The following TUFT1 variants were observed in gnomAD, a reference collection of about 807,000 sequenced individuals.
The protein encoded by TUFT1 is tuftelin.
Under a neutral mutation model 57.8 loss-of-function variants are expected in TUFT1, and 43 were observed. The observed-to-expected ratio is 0.74, with a 90% CI of 0.58 to 0.96. TUFT1 has a LOEUF of 0.96. Ranked by LOEUF, TUFT1 falls within the 40% of genes least tolerant of loss-of-function variation. The pLI is 0.00. For missense variants in TUFT1, 459 were observed against 489.0 expected, an observed-to-expected ratio of 0.94 and a Z score of 0.58; for synonymous variants, 166 against 176.7, an observed-to-expected ratio of 0.94 and a Z score of 0.48.
chr1:151,551,770 A>G (rs1393689653), intron 1 of TUFT1, among the ~76,000 whole-genome samples: 1 of 152,196 alleles, frequency 6.6e-6, no homozygotes, highest in Non-Finnish European at 1.5e-5. Flanking sequence ...AAAACATTTT[A>G]TGTGGTATAA....
At chr1:151,545,436 C>T (rs1220576540) in intron 1 of TUFT1, among the ~76,000 whole-genome samples, 5 of 152,186 alleles carry the variant, frequency 3.3e-5, no homozygotes, top group African/African-American at 1.2e-4. Flanking sequence ...TTAGTTTTCT[C>T]ACTTGTAAAA....
At chr1:151,543,432 G>A (rs1418471213) in intron 1 of TUFT1, among the ~76,000 whole-genome samples, 1 of 151,694 alleles carries the variant, frequency 6.6e-6, no homozygotes. Flanking sequence ...AGTTTTGCAA[G>A]CCACTGTGGT....
At chr1:151,547,872 G>A (rs938332903) in intron 1 of TUFT1, among the ~76,000 whole-genome samples, 22 of 152,222 alleles carry the variant, frequency 1.4e-4, no homozygotes, top group Admixed American at 1.4e-3. Context: ...AGGGCTCCAA[G>A]TAATGAGAAA....
At chr1:151,560,055 C>G (rs12746531) in intron 1 of TUFT1, among the ~76,000 whole-genome samples, 47,780 of 150,406 alleles carry the variant, frequency 0.32, 8,449 homozygotes, top group East Asian at 0.62. Flanking sequence ...CTCGGCCTCC[C>G]AAAGTGCTGG....
At chr1:151,561,683 T>G in intron 1 of TUFT1, 2 of 1,276,742 alleles carry the variant, frequency 1.6e-6, no homozygotes, top group Non-Finnish European at 2.0e-6. Flanking sequence ...GCTAGTCTTG[T>G]AAAGTGCATC....
At position 151,581,905 on chromosome 1, in the gene TUFT1, G is replaced by A; in HGVS notation, c.*198G>A. On this transcript the variant is annotated 3_prime_UTR_variant, in exon 13 of 13. Transcript: ENST00000368849. ...GACGGAGCACGAGCACCTATTCAAGGCACTGCAGCCCTTTGGAAGACATTG... is the reference window on the plus strand; with the variant it reads ...GACGGAGCACGAGCACCTATTCAAGACACTGCAGCCCTTTGGAAGACATTG... 3 of 634,190 alleles carry A rather than the reference G, an allele frequency of 4.7e-6. No individual in the cohort carries two copies. Among genetic ancestry groups the A allele is most frequent in the Non-Finnish European group, 5.7e-6 (2 of 352,850 alleles). 39.3% of individuals were successfully genotyped at this position (634,190 alleles called of 1,614,324 possible). A position where few individuals can be genotyped will look rare whatever the true frequency, so the allele number is the denominator to read the frequency against.
intron 1 of TUFT1, among the ~76,000 whole-genome samples, chr1:151,544,994 C>T (rs2102515731): frequency 6.6e-6 from 1 of 152,266 alleles, no homozygotes; most frequent in Middle Eastern, 3.4e-3. Context: ...AAACTAGTTT[C>T]TGTTAATAGC....
At chr1:151,548,579 G>A (rs368311590) in intron 1 of TUFT1, among the ~76,000 whole-genome samples, 2 of 152,128 alleles carry the variant, frequency 1.3e-5, no homozygotes, top group Non-Finnish European at 1.5e-5. Context: ...GGGATTACAG[G>A]CTTGAGCCTC....
chr1:151,557,972 C>T (rs1015301829), intron 1 of TUFT1: 4 of 520,190 alleles, frequency 7.7e-6, no homozygotes, highest in African/African-American at 5.9e-5. Context: ...ATTGAATAAA[C>T]TTACAGCAAA....
In TUFT1 at chr1:151,578,760, G is replaced by T; in HGVS notation, c.858G>T (p.Glu286Asp). Residue 286 changes from glutamate (E) to aspartate (D), a missense_variant, in exon 10 of 13, where the codon GAG becomes GAT. Physicochemically the swap from Glu to Asp is conservative, Grantham distance 45. Coordinates refer to ENST00000368849, the MANE Select transcript of TUFT1 (RefSeq NM_020127.3). ...AAAAGGAAGTGGCCGGGTTGCGGGA[G>T]AAGATCCACCACTTGGATGACATGC... Reference protein sequence around the residue: ...TLEKEVAGLREKIHHLDDMLK... With the variant: ...TLEKEVAGLRDKIHHLDDMLK... 6.3e-7 allele frequency: 1 copy of T among 1,583,964 alleles called. No homozygotes were observed. Among genetic ancestry groups the T allele is most frequent in the South Asian group, 1.2e-5 (1 of 86,882 alleles).
intron 6 of TUFT1, 70 bp from the exon 7 acceptor site, chr1:151,569,587 G>A: frequency 7.8e-7 from 1 of 1,279,308 alleles, no homozygotes; most frequent in South Asian, 1.2e-5. Context: ...GTGTGCCTGG[G>A]AGGGGGGACC....
At chr1:151,578,952 A>C in intron 10 of TUFT1, 126 bp downstream of exon 10, 1 of 703,142 alleles carries the variant, frequency 1.4e-6, no homozygotes, top group Non-Finnish European at 2.3e-6. Context: ...GCTACCAATT[A>C]CCAGGTTCAG....
chr1:151,569,165 C>G (rs1234930587), intron 6 of TUFT1, among the ~76,000 whole-genome samples: 1 of 152,080 alleles, frequency 6.6e-6, no homozygotes, highest in Non-Finnish European at 1.5e-5. Context: ...CATCAGTAAC[C>G]CTTTATATGC....
intron 8 of TUFT1, 123 bp downstream of exon 8, chr1:151,574,521 C>A: frequency 7.8e-7 from 1 of 1,280,778 alleles, no homozygotes; most frequent in Non-Finnish European, 1.1e-6. Context: ...CACTTCGCAC[C>A]TTCCTTTGGC....
intron 9 of TUFT1, among the ~76,000 whole-genome samples, chr1:151,575,466 C>T (rs1438605498): frequency 6.6e-6 from 1 of 152,130 alleles, no homozygotes; most frequent in African/African-American, 2.4e-5. Context: ...CTTCCTGTTA[C>T]TTGAAGCAAT....
chr1:151,570,150 T>C (rs1539490), intron 7 of TUFT1, among the ~76,000 whole-genome samples: 93,190 of 151,948 alleles, frequency 0.61, 29,447 homozygotes, highest in Middle Eastern at 0.75. Flanking sequence ...CAGTGTCTGG[T>C]GCAATACCTG....
intron 1 of TUFT1, among the ~76,000 whole-genome samples, chr1:151,556,476 G>C (rs1015701702): frequency 8.7e-5 from 13 of 150,012 alleles, no homozygotes; most frequent in African/African-American, 3.2e-4. Context: ...TGGTATGATA[G>C]CAGCTAGCTA....
intron 9 of TUFT1, among the ~76,000 whole-genome samples, chr1:151,577,518 CGG>C (rs1330762386): frequency 1.3e-5 from 2 of 152,080 alleles, no homozygotes; most frequent in Non-Finnish European, 2.9e-5. Context: ...TGTCAGGAAC[CGG>C]GACAGAGACC....
chr1:151,580,253 A>C (rs1318560535), intron 11 of TUFT1, among the ~76,000 whole-genome samples: 1 of 152,226 alleles, frequency 6.6e-6, no homozygotes, highest in South Asian at 2.1e-4. Flanking sequence ...TTATCTTTAG[A>C]GAGTTTGCAG....
Sources: allele counts gnomAD v4.1 joint callset (sites outside exome capture counted in the v4.1 genomes callset), GRCh38; gene constraint gnomAD v4.1.1; transcripts MANE v1.5; gene names NCBI Gene and HGNC (gene_info 2026-07-23, HGNC 2026-07-21).